The following HS3ST4 variants were observed in gnomAD, a reference collection of about 807,000 sequenced individuals.
HS3ST4 encodes heparan sulfate-glucosamine 3-sulfotransferase 4, also known as heparan sulfate glucosamine 3-O-sulfotransferase 4.
In HS3ST4, 17 loss-of-function variants were observed where a neutral mutation model predicts 29.2. The observed-to-expected ratio is 0.58, with a 90% confidence interval of 0.40 to 0.87. The LOEUF (loss-of-function observed/expected upper bound fraction) is 0.87. Ranked by LOEUF, HS3ST4 falls within the 40% of genes least tolerant of loss-of-function variation. HS3ST4 has a pLI of 0.00. For missense variants in HS3ST4, 627 were observed against 634.5 expected, an observed-to-expected ratio of 0.99 and a Z score of 0.13; for synonymous variants, 314 against 285.7, an observed-to-expected ratio of 1.10 and a Z score of -1.00.
chr16:25,842,408 A>G (rs1462598139), intron 1 of HS3ST4, among the ~76,000 whole-genome samples: 1 of 152,158 alleles, frequency 6.6e-6, no homozygotes, highest in Non-Finnish European at 1.5e-5. Flanking sequence ...CTTCCCACAG[A>G]TTTCAGTGAT....
At chr16:25,872,044 G>T (rs144642816) in intron 1 of HS3ST4, among the ~76,000 whole-genome samples, 114 of 152,248 alleles carry the variant, frequency 7.5e-4, no homozygotes, top group African/African-American at 2.6e-3. Flanking sequence ...AGCCATGTAG[G>T]GGGAGGACCC....
At chr16:26,103,278 A>T (rs1899010434) in intron 1 of HS3ST4, among the ~76,000 whole-genome samples, 1 of 152,138 alleles carries the variant, frequency 6.6e-6, no homozygotes, top group Admixed American at 6.5e-5. Flanking sequence ...GAGGCCCAAA[A>T]CACAAAGTAA....
chr16:25,773,738 A>G (rs1966844975), intron 1 of HS3ST4, among the ~76,000 whole-genome samples: 1 of 152,196 alleles, frequency 6.6e-6, no homozygotes, highest in Non-Finnish European at 1.5e-5. Context: ...CTTTCCATGT[A>G]CTTGTCACAG....
At chr16:25,791,125 T>C (rs1189317134) in intron 1 of HS3ST4, among the ~76,000 whole-genome samples, 1 of 152,248 alleles carries the variant, frequency 6.6e-6, no homozygotes, top group African/African-American at 2.4e-5. Flanking sequence ...CCATGTGATA[T>C]AGAATCATTT....
chr16:25,917,982 TC>T (rs562203991), intron 1 of HS3ST4, among the ~76,000 whole-genome samples: 225 of 152,232 alleles, frequency 1.5e-3, no homozygotes, highest in African/African-American at 5.2e-3. Flanking sequence ...CTTTAATATC[TC>T]CAAACCTTAT....
intron 1 of HS3ST4, among the ~76,000 whole-genome samples, chr16:25,860,754 G>A (rs1395713923): frequency 6.6e-6 from 1 of 152,086 alleles, no homozygotes; most frequent in Non-Finnish European, 1.5e-5. Flanking sequence ...GTATTTTTAG[G>A]GCCATGAAAT....
chr16:26,119,191 A>C (rs890339132), intron 1 of HS3ST4, among the ~76,000 whole-genome samples: 1 of 152,146 alleles, frequency 6.6e-6, no homozygotes, highest in Non-Finnish European at 1.5e-5. Flanking sequence ...CTTAGCCACT[A>C]TGCATTTCCT....
intron 1 of HS3ST4, among the ~76,000 whole-genome samples, chr16:25,831,591 AAAAAAT>A (rs796854031): frequency 2.0e-4 from 31 of 152,144 alleles, no homozygotes; most frequent in African/African-American, 7.5e-4. Flanking sequence ...ACCCTGTCCA[AAAAAAT>A]AAAAATAAAA....
At position 25,943,713 on chromosome 16, in the gene HS3ST4, C is replaced by A. The variant is rs146227214; in HGVS notation, c.735-191899C>A. Among the ~76,000 whole-genome samples the A allele has an allele frequency of 3.6e-3, 549 of 152,274 alleles. 3 individuals are homozygous for A. The highest frequency in any genetic ancestry group is 0.012 in the African/African-American group (490 of 41,560). On this transcript the variant is annotated intron_variant, in intron 1 of 1. Coordinates refer to ENST00000331351, the MANE Select transcript of HS3ST4 (RefSeq NM_006040.3). Reference sequence around the variant, plus strand: ...AATTCTGATGTAAAACCAACTACAACATAATCATGGTAATAAGCAACATTT... The same window carrying A: ...AATTCTGATGTAAAACCAACTACAAAATAATCATGGTAATAAGCAACATTT...
intron 1 of HS3ST4, among the ~76,000 whole-genome samples, chr16:25,893,503 C>T (rs1304649782): frequency 1.3e-5 from 2 of 152,158 alleles, no homozygotes; most frequent in East Asian, 3.9e-4. Context: ...CATGCAAATT[C>T]ATGGGCCAGA....
chr16:25,841,705 C>G (rs988392463), intron 1 of HS3ST4, among the ~76,000 whole-genome samples: 1 of 152,132 alleles, frequency 6.6e-6, no homozygotes. Context: ...TTCACCTTCC[C>G]GAGTAGGTCT....
At chr16:25,920,678 C>T (rs1968341728) in intron 1 of HS3ST4, among the ~76,000 whole-genome samples, 1 of 150,044 alleles carries the variant, frequency 6.7e-6, no homozygotes, top group Non-Finnish European at 1.5e-5. Context: ...TCATGGCTCA[C>T]TGCAGCCTCG....
intron 1 of HS3ST4, among the ~76,000 whole-genome samples, chr16:26,001,713 T>C (rs56117819): frequency 0.29 from 44,565 of 152,032 alleles, 6,843 homozygotes; most frequent in African/African-American, 0.36. Context: ...AAAGGAAAGT[T>C]GAGAAAGGGT....
intron 1 of HS3ST4, among the ~76,000 whole-genome samples, chr16:25,951,522 C>T (rs137943877): frequency 1.3e-5 from 2 of 152,262 alleles, no homozygotes; most frequent in Admixed American, 1.3e-4. Flanking sequence ...TCACCTGGTA[C>T]TATACACCCA....
In HS3ST4 at chr16:25,692,741, C is replaced by G; in HGVS notation, c.324C>G (p.His108Gln). The change falls in exon 1 of 2, where the codon CAC (histidine) becomes CAG (glutamine). Residue 108 changes from histidine (H) to glutamine (Q), a missense_variant. Around this residue, in one of 2 missense-constraint regions of HS3ST4, gnomAD observed 402 missense variants for 340.8 expected, o/e 1.18. Coordinates refer to ENST00000331351, the MANE Select transcript of HS3ST4 (RefSeq NM_006040.3). ...CGCCGCCGCTGGACAACGCGAGCCA[C>G]GGGGAGCCGCCCGAGCCCCCAGAGC... ...PAPPPLDNAS[H>Q]GEPPEPPEQP... 1 of 1,288,058 alleles carries G rather than the reference C, an allele frequency of 7.8e-7. No individual in the cohort carries two copies. The allele number at this position is 1,288,058 out of a possible 1,614,324, so 79.8% of individuals were successfully genotyped here.
At chr16:26,094,591 CT>C (rs1898900656) in intron 1 of HS3ST4, among the ~76,000 whole-genome samples, 1 of 152,152 alleles carries the variant, frequency 6.6e-6, no homozygotes, top group Non-Finnish European at 1.5e-5. Flanking sequence ...ACCAGGCCTG[CT>C]TTACAAGAGC....
Position 25,843,407 on chromosome 16 carries a change from G to A in HS3ST4, c.734+150256G>A, listed in dbSNP as rs549523621. Reference sequence around the variant, plus strand: ...TAGAGGAAGCATTCCAAAAGACCCCGTGGAAACTGTAAGCCTTCCTGACCT... The same window carrying A: ...TAGAGGAAGCATTCCAAAAGACCCCATGGAAACTGTAAGCCTTCCTGACCT... On this transcript the variant is annotated intron_variant, in intron 1 of 1. Coordinates refer to ENST00000331351, the MANE Select transcript of HS3ST4 (RefSeq NM_006040.3). Among the ~76,000 whole-genome samples the A allele has an allele frequency of 1.1e-4, 17 of 152,298 alleles. No individual in the cohort carries two copies. The South Asian group carries it at 2.1e-3, about 19-fold the overall frequency.
chr16:25,925,951 C>T (rs1368564028), intron 1 of HS3ST4, among the ~76,000 whole-genome samples: 1 of 152,142 alleles, frequency 6.6e-6, no homozygotes, highest in Non-Finnish European at 1.5e-5. Flanking sequence ...CCTCCGCTCC[C>T]ATGCCAGACC....
chr16:25,758,339 A>C (rs1445863553), intron 1 of HS3ST4, among the ~76,000 whole-genome samples: 1 of 152,120 alleles, frequency 6.6e-6, no homozygotes, highest in Non-Finnish European at 1.5e-5. Flanking sequence ...TGCCTAACAG[A>C]TTGTTTCTGT....
Sources: gnomAD v4.1 joint callset for allele counts (sites outside exome capture counted in the v4.1 genomes callset) on GRCh38, gnomAD v4.1.1 for gene constraint, gnomAD v4.1.1 regional missense constraint, MANE v1.5 for transcripts, NCBI Gene and HGNC (gene_info 2026-07-23, HGNC 2026-07-21) for gene names.